NUBPL: variants seen among roughly 807,000 people sequenced by gnomAD.
The protein encoded by NUBPL is NUBP iron-sulfur cluster assembly factor, mitochondrial, also known as iron-sulfur cluster transfer protein NUBPL.
Under a neutral mutation model 45.7 loss-of-function variants are expected in NUBPL, and 31 were observed. The observed-to-expected ratio is 0.68, with a 90% confidence interval of 0.51 to 0.92. The LOEUF (loss-of-function observed/expected upper bound fraction) is 0.92, where lower values mean the gene tolerates loss of function less well. Ranked by LOEUF, NUBPL falls within the 40% of genes least tolerant of loss-of-function variation. The probability of loss-of-function intolerance (pLI) is 0.00; values close to 1 mark genes in which losing one functional copy is unlikely to be tolerated. For missense variants in NUBPL, 401 were observed against 398.7 expected, an observed-to-expected ratio of 1.01 and a Z score of -0.05; for synonymous variants, 144 against 140.9, an observed-to-expected ratio of 1.02 and a Z score of -0.15.
chr14:31,849,989 G>A (rs1466945137), intron 9 of NUBPL, 130 bp from the exon 10 acceptor site: 9 of 707,310 alleles, frequency 1.3e-5, no homozygotes, highest in South Asian at 9.5e-5. Context: ...CAAAGATTTA[G>A]CAATTAGAAG....
intron 4 of NUBPL, among the ~76,000 whole-genome samples, chr14:31,629,685 G>C (rs2035293094): frequency 6.6e-6 from 1 of 152,084 alleles, no homozygotes; most frequent in Non-Finnish European, 1.5e-5. Flanking sequence ...CGAATGGGGA[G>C]GTAGAGAGTG....
At chr14:31,616,622 G>A (rs2139617090) in intron 4 of NUBPL, among the ~76,000 whole-genome samples, 1 of 152,160 alleles carries the variant, frequency 6.6e-6, no homozygotes, top group African/African-American at 2.4e-5. Context: ...TTTTGTTCCA[G>A]TGGTGTATAT....
intron 6 of NUBPL, among the ~76,000 whole-genome samples, chr14:31,706,142 T>C (rs10133374): frequency 0.27 from 37,199 of 136,940 alleles, 9,490 homozygotes; most frequent in African/African-American, 0.66. Flanking sequence ...TAGCACATTG[T>C]CACCTCTCAA....
chr14:31,835,342 T>C (rs1365037489), intron 8 of NUBPL, among the ~76,000 whole-genome samples: 3 of 152,204 alleles, frequency 2.0e-5, no homozygotes, highest in Non-Finnish European at 4.4e-5. Flanking sequence ...GTGACTTCCT[T>C]ATACAAACCA....
intron 7 of NUBPL, among the ~76,000 whole-genome samples, chr14:31,817,289 C>A (rs937308363): frequency 1.3e-5 from 2 of 152,094 alleles, no homozygotes; most frequent in African/African-American, 4.8e-5. Context: ...CCCAACCTAA[C>A]AAGACAGGCC....
At chr14:31,567,908 G>A (rs1436890579) in intron 3 of NUBPL, among the ~76,000 whole-genome samples, 1 of 152,196 alleles carries the variant, frequency 6.6e-6, no homozygotes, top group Non-Finnish European at 1.5e-5. Flanking sequence ...TTTGATGCAT[G>A]CCAAAGTTAA....
chr14:31,682,107 T>C (rs1160922976), intron 6 of NUBPL, among the ~76,000 whole-genome samples: 1 of 152,144 alleles, frequency 6.6e-6, no homozygotes, highest in Non-Finnish European at 1.5e-5. Flanking sequence ...ACTGTATAAA[T>C]TAATGAGAGA....
chr14:31,809,486 G>T (rs951004341), intron 7 of NUBPL, among the ~76,000 whole-genome samples: 1 of 152,022 alleles, frequency 6.6e-6, no homozygotes, highest in African/African-American at 2.4e-5. Context: ...TTTTTATTGT[G>T]TCTTTTTGAT....
chr14:31,760,832 C>CTTTATTTA (rs145333442), intron 6 of NUBPL, among the ~76,000 whole-genome samples: 5,309 of 150,846 alleles, frequency 0.035, 314 homozygotes, highest in African/African-American at 0.12. Flanking sequence ...TTACATTTTA[C>CTTTATTTA]TTTATTTATT....
intron 4 of NUBPL, 47 bp from the exon 5 acceptor site, chr14:31,673,308 G>A: frequency 2.0e-6 from 3 of 1,477,338 alleles, no homozygotes; most frequent in South Asian, 1.2e-5. Flanking sequence ...GAATGTTTAT[G>A]TGTTGTGTTT....
chr14:31,635,654 G>T (rs1255709146), intron 4 of NUBPL, among the ~76,000 whole-genome samples: 4 of 151,852 alleles, frequency 2.6e-5, no homozygotes, highest in Admixed American at 1.3e-4. Flanking sequence ...GATGGGGATG[G>T]CATTGAATCT....
chr14:31,779,517 C>CA (rs1335443472), intron 6 of NUBPL, among the ~76,000 whole-genome samples: 1 of 152,040 alleles, frequency 6.6e-6, no homozygotes, highest in Non-Finnish European at 1.5e-5. Context: ...GACAAGGGGT[C>CA]ATAGTATCCT....
intron 7 of NUBPL, chr14:31,800,769 C>A (rs1468563948): frequency 6.6e-6 from 1 of 152,118 alleles, no homozygotes; most frequent in Non-Finnish European, 1.5e-5. Flanking sequence ...GACTTCAACT[C>A]TTGGAATTAA....
chr14:31,823,638 T>G (rs1424596584), intron 7 of NUBPL, among the ~76,000 whole-genome samples: 7 of 152,094 alleles, frequency 4.6e-5, no homozygotes, highest in African/African-American at 1.7e-4. Flanking sequence ...TGCTAAATAG[T>G]GTAATCATAG....
intron 4 of NUBPL, among the ~76,000 whole-genome samples, chr14:31,654,654 C>T (rs777295149): frequency 6.6e-6 from 1 of 152,026 alleles, no homozygotes; most frequent in African/African-American, 2.4e-5. Flanking sequence ...CATGATCTAC[C>T]CACCTCGGCC....
At chr14:31,810,441 C>G (rs1181962869) in intron 7 of NUBPL, among the ~76,000 whole-genome samples, 1 of 151,764 alleles carries the variant, frequency 6.6e-6, no homozygotes, top group Admixed American at 6.6e-5. Flanking sequence ...GATTGCAACC[C>G]CTGTTGTTTT....
chr14:31,761,200 G>T (rs2038801516), intron 6 of NUBPL, among the ~76,000 whole-genome samples: 2 of 151,130 alleles, frequency 1.3e-5, no homozygotes, highest in African/African-American at 4.9e-5. Context: ...TTTTTTTGGA[G>T]ATCAGTCTCA....
chr14:31,736,779 C>A (rs2038175085), intron 6 of NUBPL, among the ~76,000 whole-genome samples: 1 of 152,158 alleles, frequency 6.6e-6, no homozygotes, highest in Non-Finnish European at 1.5e-5. Flanking sequence ...TTCTGTCAAG[C>A]AGTTTTCTAA....
intron 8 of NUBPL, among the ~76,000 whole-genome samples, chr14:31,842,971 A>G (rs566558280): frequency 6.6e-6 from 1 of 152,328 alleles, no homozygotes; most frequent in African/African-American, 2.4e-5. Flanking sequence ...TATATCAGCC[A>G]AGATGGGCTA....
Sources: allele counts gnomAD v4.1 joint callset (sites outside exome capture counted in the v4.1 genomes callset), GRCh38; gene constraint gnomAD v4.1.1; transcripts MANE v1.5; gene names NCBI Gene and HGNC (gene_info 2026-07-23, HGNC 2026-07-21).